PODNL1: variants seen among roughly 807,000 people sequenced by gnomAD.
PODNL1 encodes the protein podocan-like protein 1.
Under a neutral mutation model 45.1 loss-of-function variants are expected in PODNL1, and 50 were observed. The ratio of observed to expected loss-of-function variants is 1.11; its 90% CI spans 0.88 to 1.40. PODNL1 has a LOEUF of 1.40. Ranked by LOEUF, PODNL1 falls within the 40% of genes most tolerant of loss-of-function variation. The pLI is 0.00. For missense variants in PODNL1, 788 were observed against 793.3 expected (o/e 0.99, Z 0.08); for synonymous variants, 406 against 372.5 (o/e 1.09, Z -1.04).
At chr19:13,938,813 C>T (rs1191589565), upstream of PODNL1, among the ~76,000 whole-genome samples, 1 of 151,954 alleles carries the variant, frequency 6.6e-6, no homozygotes, top group African/African-American at 2.4e-5. Context: ...ATCCAGGCAT[C>T]AGCCTGGTGG....
Position 13,943,665 on chromosome 19 carries a change from T to A in PODNL1, c.19-5659A>T, listed in dbSNP as rs189814270. On this transcript the variant is annotated intron_variant, in intron 1 of 7. Coordinates refer to the PODNL1 transcript ENST00000538371. ...TTTTAGTAGAGACGGTGTTTCATCATGTTAGCCAGGATGGTTTCGATCTCC... is the reference window on the plus strand; with the variant it reads ...TTTTAGTAGAGACGGTGTTTCATCAAGTTAGCCAGGATGGTTTCGATCTCC... 6.1e-3 allele frequency among the ~76,000 whole-genome samples: 931 copies of A among 152,214 alleles called. 40 individuals carry two copies. Among genetic ancestry groups the A allele is most frequent in the Admixed American group, 0.052 (790 of 15,270 alleles).
upstream of PODNL1, among the ~76,000 whole-genome samples, chr19:13,940,570 C>CTAA (rs1972623636): frequency 1.2e-5 from 1 of 83,228 alleles, no homozygotes; most frequent in Admixed American, 1.6e-4. Context: ...GACTCCGTCT[C>CTAA]AAAAAAAAAA....
Position 13,932,926 on chromosome 19 carries a change from G to C in PODNL1, c.1297C>G (p.Gln433Glu), listed in dbSNP as rs778403508. 1.3e-6 allele frequency: 2 copies of C among 1,574,374 alleles called. No homozygotes were observed. The highest frequency in any genetic ancestry group is 1.1e-5 in the South Asian group (1 of 87,602). The stretch of plus-strand genomic sequence containing the variant: ...GGCTCGGGCTCGAGCATCCGCAGCT[G>C]GTTGCGTTGCAGCTGCAGGGTGCGC... Reference protein sequence around the residue: ...GLRTLQLQRNQLRMLEPEPLA... With the variant: ...GLRTLQLQRNELRMLEPEPLA... Residue 433 changes from glutamine to glutamate, a missense_variant, in exon 8 of 10, where the codon CAG (glutamine) becomes GAG (glutamate). Gln to Glu is a conservative substitution (Grantham distance 29). Around this residue, in one of 3 missense-constraint regions of PODNL1, gnomAD observed 762 missense variants for 750.9 expected, o/e 1.01. Transcript: ENST00000588872.
At chr19:13,937,673 G>T in intron 2 of PODNL1, 112 bp downstream of exon 2, 3 of 1,000,454 alleles carry the variant, frequency 3.0e-6, no homozygotes, top group Non-Finnish European at 4.4e-6. Flanking sequence ...CCGCCCTCCT[G>T]CAAGTGTGTT....
rs776936134 is a variant in PODNL1 at position 13,937,958 on chromosome 19, C to T, written c.52G>A (p.Ala18Thr). 35 of 1,542,310 alleles carry T rather than the reference C, an allele frequency of 2.3e-5. No homozygotes were observed. The highest frequency in any genetic ancestry group is 5.5e-5 in the African/African-American group (4 of 73,000). Reference protein sequence around the residue: ...LLLLPGPPPVAGLEDAAFPHL... With the variant: ...LLLLPGPPPVTGLEDAAFPHL... ...GGGAAGGCAGCGTCTTCCAAGCCGG[C>T]GACGGGCGGGGGCCCCGGCAACAGC... Residue 18 changes from alanine (A) to threonine (T), a missense_variant, in exon 2 of 10, where the codon GCC (alanine) becomes ACC (threonine). Physicochemically the swap from Ala to Thr is moderately conservative, Grantham distance 58 (BLOSUM62 0). Coordinates refer to ENST00000588872, the MANE Select transcript of PODNL1 (RefSeq NM_001370095.3).
At chr19:13,934,671 G>T (rs1489919559) in intron 5 of PODNL1, among the ~76,000 whole-genome samples, 1 of 151,870 alleles carries the variant, frequency 6.6e-6, no homozygotes, top group Admixed American at 6.6e-5. Context: ...TAAGTGTAAT[G>T]AGTGCATATG....
upstream of PODNL1, among the ~76,000 whole-genome samples, chr19:13,939,684 C>T (rs779451993): frequency 9.6e-4 from 145 of 151,806 alleles, no homozygotes; most frequent in Non-Finnish European, 1.6e-3. Context: ...GTCAGGAGTT[C>T]CAGAGCATCG....
intron 1 of PODNL1, among the ~76,000 whole-genome samples, chr19:13,947,385 G>C (rs766009018): frequency 6.7e-6 from 1 of 149,816 alleles, no homozygotes. Flanking sequence ...GGAGGCTGAC[G>C]CAGGAGAATC....
chr19:13,938,417 C>G lies in PODNL1; in HGVS notation c.-236G>C. Reference sequence around the variant, plus strand: ...ATGGGGTGGTGAGGACAGGCCAGCCCGTCCCCTTGGTCCCCCCCAACAACC... The same window carrying G: ...ATGGGGTGGTGAGGACAGGCCAGCCGGTCCCCTTGGTCCCCCCCAACAACC... On this transcript the variant is annotated 5_prime_UTR_variant, in exon 1 of 10. Coordinates refer to ENST00000588872, the MANE Select transcript of PODNL1 (RefSeq NM_001370095.3). 7.5e-7 allele frequency: 1 copy of G among 1,328,514 alleles called. No homozygotes were observed. The highest frequency in any genetic ancestry group is 9.6e-7 in the Non-Finnish European group (1 of 1,040,166). 82.3% of individuals were successfully genotyped at this position (1,328,514 alleles called of 1,614,324 possible).
Position 13,937,781 on chromosome 19 carries a change from C to T in PODNL1, c.225+4G>A. 6.4e-7 allele frequency: 1 copy of T among 1,574,664 alleles called. No individual in the cohort carries two copies. Among genetic ancestry groups the T allele is most frequent in the Non-Finnish European group, 8.6e-7 (1 of 1,160,800 alleles). ...ATGCCCCCACTCCCCTCCGTGGGCC[C>T]CACCTGCAGGGAGAGGTGCTGAGCG... On this transcript the variant is annotated splice_donor_region_variant and intron_variant, in intron 2 of 9. Transcript: ENST00000588872.
intron 1 of PODNL1, among the ~76,000 whole-genome samples, chr19:13,947,963 G>A (rs553063713): frequency 1.5e-4 from 23 of 152,142 alleles, no homozygotes; most frequent in African/African-American, 4.8e-4. Flanking sequence ...GGGCTCAAGC[G>A]ATCCTCTCAC....
At chr19:13,934,524 TGTGC>T (rs1162212402) in intron 5 of PODNL1, 114 bp from the exon 6 acceptor site, 74 of 1,025,560 alleles carry the variant, frequency 7.2e-5, no homozygotes, top group African/African-American at 3.2e-4. Context: ...TGTGTGTGTG[TGTGC>T]GCGCGCATGT....
chr19:13,953,173 TC>T lies in PODNL1; in HGVS notation c.-38del. On this transcript the variant is annotated 5_prime_UTR_variant, in exon 1 of 8. Transcript: ENST00000538371. ...GAGCTCCCTGGATAGGGCTGAGTCT[TC>T]CCCCGCAGAGTGAGAGTTACCGAAG... is the stretch of plus-strand genomic sequence containing the variant. 4 of 1,516,432 alleles carry T rather than the reference TC, an allele frequency of 2.6e-6. No individual in the cohort carries two copies. The East Asian group carries it at 8.0e-5, about 30-fold the overall frequency. 93.9% of individuals were successfully genotyped at this position (1,516,432 alleles called of 1,614,324 possible).
upstream of PODNL1, among the ~76,000 whole-genome samples, chr19:13,938,796 T>C (rs1198808383): frequency 2.0e-5 from 3 of 151,808 alleles, no homozygotes; most frequent in Admixed American, 6.6e-5. Flanking sequence ...GGAAGGAAAT[T>C]ACATATATCC....
rs189725201 is a variant in PODNL1, at chr19:13,934,823, A to G, written c.495-413T>C. Among the ~76,000 whole-genome samples the G allele has an allele frequency of 3.3e-4, 50 of 151,032 alleles. 1 individual carries two copies. In the East Asian group the frequency reaches 9.2e-3, roughly 28 times the overall value. ...CATGTGATTGTAAGTGTGGGTGTGC[A>G]TGTGTGCATGCCTGTGCATAAGTGT... On this transcript the variant is annotated intron_variant, in intron 5 of 9. Transcript: ENST00000588872.
At position 13,951,282 on chromosome 19, in the gene PODNL1, C is replaced by CA. The variant is rs923662490; in HGVS notation, c.18+1836dup. ...GCAACATAGTGAGACCCCATCTCTA[C>CA]AAAAAAAATTTTTTTAATGAAGACA... On this transcript the variant is annotated intron_variant, in intron 1 of 7. Transcript: ENST00000538371. 2.3e-4 allele frequency among the ~76,000 whole-genome samples: 35 copies of CA among 150,874 alleles called. 1 individual carries two copies. The highest frequency in any genetic ancestry group is 6.0e-4 in the Admixed American group (9 of 15,076).
At chr19:13,945,126 G>A (rs1329267715) in intron 1 of PODNL1, among the ~76,000 whole-genome samples, 1 of 152,050 alleles carries the variant, frequency 6.6e-6, no homozygotes, top group Non-Finnish European at 1.5e-5. Flanking sequence ...TTCCCAGTCT[G>A]AACTCCAACT....
intron 8 of PODNL1, 51 bp downstream of exon 8, chr19:13,932,747 G>A: frequency 6.2e-7 from 1 of 1,612,082 alleles, no homozygotes; most frequent in Non-Finnish European, 8.5e-7. Context: ...AGGGCAGGCA[G>A]GGGGATGGAG....
chr19:13,947,895 G>A (rs920694850), intron 1 of PODNL1, among the ~76,000 whole-genome samples: 6 of 151,978 alleles, frequency 3.9e-5, no homozygotes, highest in African/African-American at 1.5e-4. Flanking sequence ...GTCTCATTCT[G>A]TTGCCCAGGC....
Sources: allele counts gnomAD v4.1 joint callset (sites outside exome capture counted in the v4.1 genomes callset), GRCh38; gene constraint gnomAD v4.1.1; regional missense constraint gnomAD v4.1.1; transcripts MANE v1.5; gene names NCBI Gene and HGNC (gene_info 2026-07-23, HGNC 2026-07-21).